Variants in RBFOX1 observed in about 807,000 individuals in gnomAD.
RBFOX1 encodes RNA binding fox-1 homolog 1.
A neutral mutation model predicts 57.7 loss-of-function variants in RBFOX1; 8 were observed. The observed-to-expected ratio is 0.14, with a 90% CI of 0.08 to 0.25. RBFOX1 has a LOEUF of 0.25. RBFOX1 is among the 10% of genes least tolerant of loss of function. RBFOX1 has a pLI of 1.00. For synonymous variants in RBFOX1, 326 were observed against 222.4 expected (o/e 1.47, Z -4.15); for missense variants, 611 against 548.5 (o/e 1.11, Z -1.14).
At chr16:5,525,020 C>A (rs960799859) in intron 2 of RBFOX1, among the ~76,000 whole-genome samples, 2 of 152,186 alleles carry the variant, frequency 1.3e-5, no homozygotes, top group African/African-American at 4.8e-5. Flanking sequence ...TGATTAATGT[C>A]CATCTTCCCC....
intron 3 of RBFOX1, among the ~76,000 whole-genome samples, chr16:6,779,740 TTTTTATATATA>T (rs1567207413): frequency 2.5e-4 from 14 of 57,076 alleles, no homozygotes; most frequent in Non-Finnish European, 1.1e-4. Flanking sequence ...TTTTTATATA[TTTTTATATATA>T]CTTTTATATA....
chr16:6,886,070 T>G (rs2063955693), intron 3 of RBFOX1, among the ~76,000 whole-genome samples: 1 of 151,148 alleles, frequency 6.6e-6, no homozygotes, highest in Non-Finnish European at 1.5e-5. Flanking sequence ...TTTTTTCTTT[T>G]TTTTTTTTTT....
At chr16:7,210,804 G>A (rs1050630927) in intron 4 of RBFOX1, among the ~76,000 whole-genome samples, 3 of 152,080 alleles carry the variant, frequency 2.0e-5, no homozygotes, top group African/African-American at 7.2e-5. Flanking sequence ...ACATCTGTGT[G>A]TGAGCAAGTC....
intron 1 of RBFOX1, among the ~76,000 whole-genome samples, chr16:5,336,058 G>A (rs1172421750): frequency 6.6e-6 from 1 of 152,140 alleles, no homozygotes; most frequent in African/African-American, 2.4e-5. Context: ...AGGTACCATA[G>A]CAAGGAATTA....
chr16:7,691,494 G>A (rs12597160), intron 14 of RBFOX1, among the ~76,000 whole-genome samples: 22,025 of 151,570 alleles, frequency 0.15, 2,112 homozygotes, highest in African/African-American at 0.27. Context: ...GAAGAAAGGA[G>A]GAAGGAAAAA....
intron 2 of RBFOX1, among the ~76,000 whole-genome samples, chr16:6,602,020 G>C (rs1247821882): frequency 2.6e-5 from 4 of 152,168 alleles, no homozygotes; most frequent in Admixed American, 1.3e-4. Context: ...GAAGTACCTA[G>C]AAGCAGCTTG....
At chr16:6,409,650 T>G (rs2093395498) in intron 2 of RBFOX1, among the ~76,000 whole-genome samples, 1 of 152,030 alleles carries the variant, frequency 6.6e-6, no homozygotes, top group South Asian at 2.1e-4. Flanking sequence ...ATGAACAAAA[T>G]AATATGGTCC....
At chr16:7,381,170 T>G (rs567898105) in intron 4 of RBFOX1, among the ~76,000 whole-genome samples, 1 of 152,200 alleles carries the variant, frequency 6.6e-6, no homozygotes, top group East Asian at 1.9e-4. Context: ...TTCTCCCACG[T>G]TAAACTTAAA....
chr16:6,123,185 CA>C (rs1473410197), intron 1 of RBFOX1, among the ~76,000 whole-genome samples: 12 of 152,002 alleles, frequency 7.9e-5, no homozygotes, highest in African/African-American at 2.9e-4. Flanking sequence ...TAGAATCTTG[CA>C]CAGATACTTG....
At chr16:7,593,473 C>T (rs974425193) in intron 7 of RBFOX1, among the ~76,000 whole-genome samples, 25 of 152,150 alleles carry the variant, frequency 1.6e-4, no homozygotes, top group African/African-American at 6.0e-4. Flanking sequence ...AAGCAAGACC[C>T]TTCTGTTATG....
intron 3 of RBFOX1, among the ~76,000 whole-genome samples, chr16:5,663,720 A>G (rs969952848): frequency 6.6e-6 from 1 of 152,228 alleles, no homozygotes; most frequent in Non-Finnish European, 1.5e-5. Flanking sequence ...CCCTGCTGCC[A>G]GTGAGCGTGG....
At chr16:6,917,443 T>C (rs1169344492) in intron 3 of RBFOX1, among the ~76,000 whole-genome samples, 2 of 152,348 alleles carry the variant, frequency 1.3e-5, no homozygotes, top group East Asian at 3.9e-4. Context: ...TTGATGTGTT[T>C]CATTTGGGGA....
intron 1 of RBFOX1, among the ~76,000 whole-genome samples, chr16:5,312,266 G>A (rs551474949): frequency 6.6e-6 from 1 of 152,306 alleles, no homozygotes; most frequent in African/African-American, 2.4e-5. Context: ...ATCCTCCAGG[G>A]CTGTTGAAAC....
chr16:5,699,689 A>G (rs759261418), intron 3 of RBFOX1, among the ~76,000 whole-genome samples: 3 of 152,182 alleles, frequency 2.0e-5, no homozygotes, highest in Non-Finnish European at 4.4e-5. Flanking sequence ...GAATCCAACT[A>G]TATTGCATCC....
At chr16:5,624,963 T>C (rs2048306021) in intron 3 of RBFOX1, among the ~76,000 whole-genome samples, 1 of 152,130 alleles carries the variant, frequency 6.6e-6, no homozygotes, top group Non-Finnish European at 1.5e-5. Context: ...CCACCCGGAT[T>C]TGGGGCCGTG....
intron 3 of RBFOX1, among the ~76,000 whole-genome samples, chr16:5,638,916 C>T (rs910047309): frequency 1.3e-5 from 2 of 152,152 alleles, no homozygotes; most frequent in Non-Finnish European, 2.9e-5. Flanking sequence ...CCTGTGAAAC[C>T]CAACTCAAAT....
chr16:5,881,220 T>G (rs1482690779), intron 4 of RBFOX1, among the ~76,000 whole-genome samples: 1 of 152,346 alleles, frequency 6.6e-6, no homozygotes, highest in Admixed American at 6.5e-5. Flanking sequence ...CTGATTCTAG[T>G]TGGGTGAAAG....
chr16:6,374,772 C>T (rs1370185712), intron 2 of RBFOX1, among the ~76,000 whole-genome samples: 6 of 152,160 alleles, frequency 3.9e-5, no homozygotes, highest in African/African-American at 1.2e-4. Flanking sequence ...GAGTTGAAGG[C>T]AATCTGAATT....
chr16:5,626,670 A>G (rs1303246463), intron 3 of RBFOX1, among the ~76,000 whole-genome samples: 1 of 152,132 alleles, frequency 6.6e-6, no homozygotes, highest in East Asian at 1.9e-4. Flanking sequence ...TCCGATATTC[A>G]TCAGTTCTAG....
Sources: allele counts gnomAD v4.1 joint callset (sites outside exome capture counted in the v4.1 genomes callset), GRCh38; gene constraint gnomAD v4.1.1; transcripts MANE v1.5; gene names NCBI Gene and HGNC (gene_info 2026-07-23, HGNC 2026-07-21).